PRKN: variants seen among roughly 807,000 people sequenced by gnomAD.
PRKN encodes parkin RBR E3 ubiquitin protein ligase, also known as E3 ubiquitin-protein ligase parkin.
Under a neutral mutation model 59.5 loss-of-function variants are expected in PRKN, and 56 were observed. The observed-to-expected ratio is 0.94, with a 90% CI of 0.76 to 1.18. The LOEUF is 1.18. Among genes scored for constraint, PRKN ranks in the 50% most tolerant of loss-of-function variants. The pLI is 0.00. For synonymous variants in PRKN, 250 were observed against 222.1 expected (o/e 1.13, Z -1.12); for missense variants, 657 against 596.4 (o/e 1.10, Z -1.06).
chr6:162,651,843 T>A (rs922603725), intron 1 of PRKN, among the ~76,000 whole-genome samples: 6 of 139,366 alleles, frequency 4.3e-5, no homozygotes, highest in African/African-American at 6.0e-5. Flanking sequence ...ATCTTTTTTG[T>A]ATAGTTGATT....
At chr6:162,153,537 C>T (rs1310530029) in intron 4 of PRKN, among the ~76,000 whole-genome samples, 1 of 152,096 alleles carries the variant, frequency 6.6e-6, no homozygotes, top group East Asian at 1.9e-4. Context: ...GGCAAAGGGG[C>T]ATTATAACAG....
chr6:161,486,355 T>C (rs1200058911), intron 9 of PRKN, among the ~76,000 whole-genome samples: 3 of 152,190 alleles, frequency 2.0e-5, no homozygotes, highest in African/African-American at 4.8e-5. Context: ...GCTAAGAGTA[T>C]GTATATGTTG....
At chr6:162,684,377 C>T (rs1486327482) in intron 1 of PRKN, among the ~76,000 whole-genome samples, 2 of 152,088 alleles carry the variant, frequency 1.3e-5, no homozygotes, top group East Asian at 3.9e-4. Flanking sequence ...TGCCCCATAG[C>T]TTTCCATACA....
chr6:162,575,784 A>T (rs1343631535), intron 1 of PRKN, among the ~76,000 whole-genome samples: 1 of 152,206 alleles, frequency 6.6e-6, no homozygotes, highest in Non-Finnish European at 1.5e-5. Flanking sequence ...CACTATTTGT[A>T]TTATAAATAA....
chr6:161,952,196 T>G (rs1229866198), intron 6 of PRKN, among the ~76,000 whole-genome samples: 2 of 152,060 alleles, frequency 1.3e-5, no homozygotes, highest in Non-Finnish European at 2.9e-5. Context: ...CTTGTCCTTT[T>G]CAGAACATGA....
At chr6:162,708,871 C>G (rs1174646462) in intron 1 of PRKN, among the ~76,000 whole-genome samples, 1 of 152,156 alleles carries the variant, frequency 6.6e-6, no homozygotes, top group Non-Finnish European at 1.5e-5. Flanking sequence ...GGCCACACAG[C>G]AGGAGGTGAG....
At chr6:162,426,279 T>C (rs919915439) in intron 2 of PRKN, among the ~76,000 whole-genome samples, 1 of 152,060 alleles carries the variant, frequency 6.6e-6, no homozygotes, top group East Asian at 1.9e-4. Context: ...TAGATCCAGG[T>C]ATACATAGAA....
At chr6:161,917,098 A>T (rs1778594178) in intron 6 of PRKN, among the ~76,000 whole-genome samples, 1 of 151,848 alleles carries the variant, frequency 6.6e-6, no homozygotes, top group Non-Finnish European at 1.5e-5. Flanking sequence ...CACCGCATCC[A>T]GCCTAATTTT....
chr6:162,008,560 G>A (rs1373783475), intron 5 of PRKN, among the ~76,000 whole-genome samples: 1 of 152,134 alleles, frequency 6.6e-6, no homozygotes, highest in African/African-American at 2.4e-5. Context: ...CTTGAACAAA[G>A]TCTGGTGGTT....
intron 9 of PRKN, among the ~76,000 whole-genome samples, chr6:161,416,108 A>T (rs773094592): frequency 9.9e-5 from 15 of 152,232 alleles, no homozygotes; most frequent in Admixed American, 2.0e-4. Flanking sequence ...CACGGCGCCT[A>T]TGGAAATGCT....
intron 4 of PRKN, among the ~76,000 whole-genome samples, chr6:162,193,429 C>A (rs1784370433): frequency 6.6e-6 from 1 of 152,164 alleles, no homozygotes; most frequent in Admixed American, 6.5e-5. Context: ...CCCACATAGA[C>A]TTTGATAAAA....
At chr6:162,252,802 A>G (rs1202290509) in intron 3 of PRKN, among the ~76,000 whole-genome samples, 1 of 152,292 alleles carries the variant, frequency 6.6e-6, no homozygotes, top group Non-Finnish European at 1.5e-5. Context: ...ATAGCAGCCC[A>G]AAGGGGCTAA....
chr6:162,595,350 G>T (rs918310543), intron 1 of PRKN, among the ~76,000 whole-genome samples: 8 of 151,474 alleles, frequency 5.3e-5, no homozygotes, highest in Non-Finnish European at 1.2e-4. Flanking sequence ...CCGCCTCCCG[G>T]GTTCAAGCAA....
intron 5 of PRKN, among the ~76,000 whole-genome samples, chr6:161,991,588 T>C (rs1292994533): frequency 1.3e-5 from 2 of 152,166 alleles, no homozygotes; most frequent in African/African-American, 4.8e-5. Flanking sequence ...ATGCCTGTAA[T>C]CTCAGCACTT....
intron 1 of PRKN, among the ~76,000 whole-genome samples, chr6:162,508,794 G>A (rs946076862): frequency 6.6e-6 from 1 of 152,150 alleles, no homozygotes. Flanking sequence ...TGAGGCTGCA[G>A]TGAGCCGTGA....
chr6:161,710,796 TCTTCCTTCCTTCCCTCCCTCCCTCTTTC>T lies in PRKN; in HGVS notation c.871+74948_871+74975del, dbSNP rs369798393. Among the ~76,000 whole-genome samples the T allele has an allele frequency of 2.0e-5, 3 of 151,594 alleles. 1 individual carries two copies. Among genetic ancestry groups the T allele is most frequent in the African/African-American group, 7.3e-5 (3 of 41,244 alleles). ...GCTTAACTTCCTTCCTTCTTTTCTT[TCTTCCTTCCTTCCCTCCCTCCCTCTTTC>T]CTTCCTTCCTTCCCCCTTTCCTTCT... On this transcript the variant is annotated intron_variant, in intron 7 of 11. Coordinates refer to ENST00000366898, the MANE Select transcript of PRKN (RefSeq NM_004562.3).
At chr6:161,707,567 T>C (rs980701436) in intron 7 of PRKN, among the ~76,000 whole-genome samples, 1 of 152,220 alleles carries the variant, frequency 6.6e-6, no homozygotes, top group African/African-American at 2.4e-5. Flanking sequence ...ACAGGTGTTT[T>C]AAATGTCACA....
intron 2 of PRKN, among the ~76,000 whole-genome samples, chr6:162,291,336 T>C (rs1583323438): frequency 6.6e-6 from 1 of 151,908 alleles, no homozygotes; most frequent in Non-Finnish European, 1.5e-5. Flanking sequence ...AACAAGCCTC[T>C]TGATGTTATT....
chr6:161,375,505 C>A (rs1313850956), intron 10 of PRKN, among the ~76,000 whole-genome samples: 1 of 152,184 alleles, frequency 6.6e-6, no homozygotes, highest in Non-Finnish European at 1.5e-5. Flanking sequence ...GCCTTAAAAA[C>A]CCAAACCCCC....
Sources: gnomAD v4.1 joint callset for allele counts (sites outside exome capture counted in the v4.1 genomes callset) on GRCh38, gnomAD v4.1.1 for gene constraint, MANE v1.5 for transcripts, NCBI Gene and HGNC (gene_info 2026-07-23, HGNC 2026-07-21) for gene names.